F13A1: variants seen among roughly 807,000 people sequenced by gnomAD.
F13A1 encodes the protein coagulation factor XIII A chain, also known as FSF, A subunit.
A neutral mutation model predicts 80.1 loss-of-function variants in F13A1; 47 were observed. That is an observed-to-expected ratio of 0.59 (90% CI 0.46 to 0.75). The LOEUF is 0.75. Ranked by LOEUF, F13A1 falls within the 30% of genes least tolerant of loss-of-function variation. F13A1 has a pLI of 0.00. For missense variants in F13A1, 817 were observed against 930.4 expected (o/e 0.88, Z 1.59); for synonymous variants, 349 against 344.9 (o/e 1.01, Z -0.13).
intron 8 of F13A1, among the ~76,000 whole-genome samples, chr6:6,199,040 G>C (rs943043464): frequency 2.6e-5 from 4 of 152,206 alleles, no homozygotes; most frequent in African/African-American, 4.8e-5. Context: ...GTTGTGGCTG[G>C]AGCATAGCGT....
chr6:6,190,495 A>C (rs1291623796), intron 10 of F13A1, among the ~76,000 whole-genome samples: 1 of 149,316 alleles, frequency 6.7e-6, no homozygotes, highest in African/African-American at 2.4e-5. Flanking sequence ...GTAAGGTGTC[A>C]GTGTTCCCCT....
intron 6 of F13A1, among the ~76,000 whole-genome samples, chr6:6,237,165 A>G (rs891646786): frequency 4.6e-5 from 7 of 152,136 alleles, no homozygotes; most frequent in Non-Finnish European, 8.8e-5. Context: ...TGTTCTAAAA[A>G]ATAAAATTTA....
chr6:6,211,935 C>T (rs540055968), intron 8 of F13A1, among the ~76,000 whole-genome samples: 11 of 152,334 alleles, frequency 7.2e-5, no homozygotes, highest in Admixed American at 5.2e-4. Flanking sequence ...CCTGGAAAAT[C>T]GGGTCACTCC....
chr6:6,220,999 T>C (rs1348243631), intron 8 of F13A1, among the ~76,000 whole-genome samples: 2 of 152,236 alleles, frequency 1.3e-5, no homozygotes, highest in African/African-American at 4.8e-5. Flanking sequence ...CTTTTAGTTT[T>C]GCTTAAAATG....
At chr6:6,168,696 C>T (rs376711485) in intron 12 of F13A1, among the ~76,000 whole-genome samples, 1 of 152,254 alleles carries the variant, frequency 6.6e-6, no homozygotes, top group Non-Finnish European at 1.5e-5. Context: ...AAGGAAACAG[C>T]TTCATGGCCA....
At chr6:6,251,536 C>T (rs1037617086) in intron 4 of F13A1, among the ~76,000 whole-genome samples, 6 of 152,144 alleles carry the variant, frequency 3.9e-5, no homozygotes, top group Admixed American at 6.5e-5. Flanking sequence ...TTCCCTGTGG[C>T]TAGAATTTCA....
intron 6 of F13A1, among the ~76,000 whole-genome samples, chr6:6,246,152 T>A (rs1033275980): frequency 2.6e-5 from 4 of 152,254 alleles, no homozygotes; most frequent in Non-Finnish European, 5.9e-5. Flanking sequence ...ATTTTTTTTG[T>A]CTTTGTTCTT....
At chr6:6,272,249 T>C (rs1378683375) in intron 3 of F13A1, among the ~76,000 whole-genome samples, 4 of 152,210 alleles carry the variant, frequency 2.6e-5, no homozygotes, top group African/African-American at 9.7e-5. Context: ...AAAAATACAA[T>C]GTCCTAGGTG....
chr6:6,221,356 T>A (rs970893779), intron 8 of F13A1, among the ~76,000 whole-genome samples: 3 of 152,192 alleles, frequency 2.0e-5, no homozygotes, highest in Admixed American at 2.0e-4. Context: ...GGGGAACAAT[T>A]TCAGCTTTAC....
intron 8 of F13A1, among the ~76,000 whole-genome samples, chr6:6,219,254 C>T (rs966698612): frequency 1.5e-4 from 23 of 151,988 alleles, no homozygotes; most frequent in African/African-American, 5.6e-4. Context: ...ACCGCACTGA[C>T]CTCACAGAGG....
At chr6:6,149,296 T>C (rs73357508) in intron 14 of F13A1, among the ~76,000 whole-genome samples, 6,346 of 152,240 alleles carry the variant, frequency 0.042, 448 homozygotes, top group African/African-American at 0.14. Context: ...ATACAACATA[T>C]ATATGTATCG....
At chr6:6,242,801 T>C (rs1328966428) in intron 6 of F13A1, among the ~76,000 whole-genome samples, 2 of 152,224 alleles carry the variant, frequency 1.3e-5, no homozygotes, top group Non-Finnish European at 2.9e-5. Context: ...AATAATAGCA[T>C]GGTTAATTAC....
In F13A1 at chr6:6,199,169, C is replaced by T. The variant is rs958240672; in HGVS notation, c.1113-1843G>A. 3.9e-5 allele frequency among the ~76,000 whole-genome samples: 6 copies of T among 152,190 alleles called. No homozygotes were observed. The South Asian group carries it at 8.3e-4, about 21-fold the overall frequency. On this transcript the variant is annotated intron_variant, in intron 8 of 14. Coordinates refer to ENST00000264870, the MANE Select transcript of F13A1 (RefSeq NM_000129.4). Reference sequence around the variant, plus strand: ...TCTAAAACCCTCATGGATGTTAACACATCTGATGTCCCTAGCACCCTATAA... The same window carrying T: ...TCTAAAACCCTCATGGATGTTAACATATCTGATGTCCCTAGCACCCTATAA...
chr6:6,189,117 C>G lies in F13A1; in HGVS notation c.1305+6680G>C, dbSNP rs1415647203. 9.8e-4 allele frequency among the ~76,000 whole-genome samples: 70 copies of G among 71,374 alleles called. 1 individual carries two copies. The highest frequency in any genetic ancestry group is 3.2e-3 in the South Asian group (5 of 1,550). The allele number at this position is 71,374 out of a possible 152,430, so 46.8% of individuals were successfully genotyped here. A position where few individuals can be genotyped will look rare whatever the true frequency, so the allele number is the denominator to read the frequency against. On this transcript the variant is annotated intron_variant, in intron 10 of 14. Coordinates refer to ENST00000264870, the MANE Select transcript of F13A1 (RefSeq NM_000129.4). Reference sequence around the variant, plus strand: ...CCTTTTATTTTGAGCCTATGTGTGTCTCTGCATGTGAGATGGGTTTCCTGA... The same window carrying G: ...CCTTTTATTTTGAGCCTATGTGTGTGTCTGCATGTGAGATGGGTTTCCTGA...
At chr6:6,175,797 A>C (rs1760873357) in intron 11 of F13A1, among the ~76,000 whole-genome samples, 1 of 152,236 alleles carries the variant, frequency 6.6e-6, no homozygotes, top group Non-Finnish European at 1.5e-5. Context: ...TTTTAGGAAA[A>C]TGTTTTGTGC....
chr6:6,145,588 A>C lies in F13A1; in HGVS notation c.*31T>G, dbSNP rs781685975. ...CTTAGCCAAGACTACAAGAGGCCAA[A>C]TGCCAGGGTTCATCTCAGCTTCCTG... On this transcript the variant is annotated 3_prime_UTR_variant, in exon 15 of 15. Coordinates refer to ENST00000264870, the MANE Select transcript of F13A1 (RefSeq NM_000129.4). The C allele has an allele frequency of 6.2e-7, 1 of 1,614,112 alleles. No homozygotes were observed. The highest frequency in any genetic ancestry group is 8.5e-7 in the Non-Finnish European group (1 of 1,179,970).
intron 8 of F13A1, among the ~76,000 whole-genome samples, chr6:6,211,220 A>G (rs1406452320): frequency 6.6e-6 from 1 of 152,250 alleles, no homozygotes; most frequent in Non-Finnish European, 1.5e-5. Flanking sequence ...GCATTGCAAA[A>G]AAAAGTATTT....
intron 2 of F13A1, among the ~76,000 whole-genome samples, chr6:6,311,607 A>ATATATAATATATAAAAACATATAT (rs1561687939): frequency 4.9e-4 from 8 of 16,208 alleles, no homozygotes; most frequent in African/African-American, 1.2e-3. Context: ...ATGAATATAT[A>ATATATAATATATAAAAACATATAT]TGTTTATATA....
intron 5 of F13A1, among the ~76,000 whole-genome samples, chr6:6,249,077 G>C (rs1385708867): frequency 6.6e-6 from 1 of 152,196 alleles, no homozygotes; most frequent in African/African-American, 2.4e-5. Context: ...GGCAATACCA[G>C]AATTTTCTTA....
Sources: gnomAD v4.1 joint callset for allele counts (sites outside exome capture counted in the v4.1 genomes callset) on GRCh38, gnomAD v4.1.1 for gene constraint, MANE v1.5 for transcripts, NCBI Gene and HGNC (gene_info 2026-07-23, HGNC 2026-07-21) for gene names.